Variants in PRICKLE2 observed in about 807,000 individuals in gnomAD.
PRICKLE2 encodes prickle-like protein 2.
Under a neutral mutation model 81.4 loss-of-function variants are expected in PRICKLE2, and 21 were observed. The observed-to-expected ratio is 0.26, with a 90% CI of 0.18 to 0.37. PRICKLE2 has a LOEUF of 0.37. Ranked by LOEUF, PRICKLE2 falls within the 10% of genes least tolerant of loss-of-function variation. The probability of loss-of-function intolerance (pLI) is 1.00; values close to 1 mark genes in which losing one functional copy is unlikely to be tolerated. For missense variants in PRICKLE2, 940 were observed against 1,109.0 expected (o/e 0.85, Z 2.16); for synonymous variants, 456 against 421.5 (o/e 1.08, Z -1.00).
intron 6 of PRICKLE2, among the ~76,000 whole-genome samples, chr3:64,150,161 G>T: frequency 6.6e-6 from 1 of 151,956 alleles, no homozygotes; most frequent in East Asian, 1.9e-4. Context: ...CTCTGTAGTA[G>T]TTAAGCATAA....
In PRICKLE2 at chr3:64,133,374, C is replaced by G. The variant is rs573984360; in HGVS notation, c.1660+13456G>C. ...TTTTCTCCTGGAAGAGGAGCCAGAGCTGGAAACAGATCTGCAGCCAAGGGC... is the reference window on the plus strand; with the variant it reads ...TTTTCTCCTGGAAGAGGAGCCAGAGGTGGAAACAGATCTGCAGCCAAGGGC... On this transcript the variant is annotated intron_variant, in intron 7 of 7. Coordinates refer to ENST00000638394, the MANE Select transcript of PRICKLE2 (RefSeq NM_198859.4). Among the ~76,000 whole-genome samples the G allele has an allele frequency of 2.6e-5, 4 of 152,248 alleles. No homozygotes were observed. In the South Asian group the frequency reaches 8.3e-4, roughly 32 times the overall value.
At chr3:64,134,694 C>T (rs2077251354) in intron 7 of PRICKLE2, among the ~76,000 whole-genome samples, 1 of 148,476 alleles carries the variant, frequency 6.7e-6, no homozygotes, top group South Asian at 2.2e-4. Flanking sequence ...GAGAATCATT[C>T]ATCTAGACCA....
Position 64,107,417 on chromosome 3 carries a change from A to C in PRICKLE2, c.1661-7492T>G, listed in dbSNP as rs145818309. 4.1e-4 allele frequency among the ~76,000 whole-genome samples: 62 copies of C among 152,282 alleles called. 1 individual carries two copies. The highest frequency in any genetic ancestry group is 1.5e-3 in the African/African-American group (61 of 41,558). ...ATGTCTTTGTGGGCAAAATGTATGC[A>C]TGCAAGTCCAGAAAGAAGAAAAAGA... On this transcript the variant is annotated intron_variant, in intron 7 of 7. Transcript: ENST00000638394.
intron 2 of PRICKLE2, among the ~76,000 whole-genome samples, chr3:64,238,260 G>A (rs190889661): frequency 1.1e-4 from 16 of 152,234 alleles, no homozygotes; most frequent in Middle Eastern, 3.4e-3. Context: ...GCCAAGGCAG[G>A]CAGGTACGAA....
intron 2 of PRICKLE2, among the ~76,000 whole-genome samples, chr3:64,253,232 T>C (rs1257220103): frequency 6.6e-6 from 1 of 152,252 alleles, no homozygotes. Context: ...GTAGATACCA[T>C]AGTTAATCTA....
At chr3:64,111,127 G>A (rs367793146) in intron 7 of PRICKLE2, among the ~76,000 whole-genome samples, 2 of 152,120 alleles carry the variant, frequency 1.3e-5, no homozygotes, top group East Asian at 1.9e-4. Context: ...GGACTCTTTT[G>A]TGCTCAGTTC....
At chr3:64,135,146 G>A (rs2077258760) in intron 7 of PRICKLE2, among the ~76,000 whole-genome samples, 2 of 152,194 alleles carry the variant, frequency 1.3e-5, no homozygotes, top group African/African-American at 4.8e-5. Flanking sequence ...ATGACTCGAA[G>A]AAGCAAGAAT....
Position 64,147,059 on chromosome 3 carries a change from C to A in PRICKLE2, c.1431G>T (p.Leu477=). 3 of 1,614,160 alleles carry A rather than the reference C, an allele frequency of 1.9e-6. No individual in the cohort carries two copies. Among genetic ancestry groups the A allele is most frequent in the Non-Finnish European group, 2.5e-6 (3 of 1,180,038 alleles). ...TATCACTGTAGCTCTCCTGAGATCT[C>A]AGCCTCCCCGGGTAATAGTCTTCTC... is the stretch of plus-strand genomic sequence containing the variant. ...ECREDYYPGR[L]RSQESYSDMS... Residue 477 remains leucine (L), a synonymous_variant, in exon 7 of 8, where the codon CTG becomes CTT. Coordinates refer to ENST00000638394, the MANE Select transcript of PRICKLE2 (RefSeq NM_198859.4). The surrounding 1 kb of genome is among the most constrained non-coding windows in gnomAD (Gnocchi z 5.0).
rs571221017 is a variant in PRICKLE2 at position 64,233,332 on chromosome 3, A to T, written c.129-34365T>A. Among the ~76,000 whole-genome samples, 16 of 152,248 alleles carry T rather than the reference A, an allele frequency of 1.1e-4. No individual in the cohort carries two copies. The East Asian group carries it at 3.1e-3, about 29-fold the overall frequency. On this transcript the variant is annotated intron_variant, in intron 2 of 8. Coordinates refer to the PRICKLE2 transcript ENST00000295902. ...ATTCTCTGAAAACAAACATTGCAGC[A>T]TGCCATGCTTCTGCTCAAGACTACA...
rs1247326386 is a variant in PRICKLE2 at position 64,099,168 on chromosome 3, G to A, written c.2418C>T (p.Ser806=). 1.2e-6 allele frequency: 2 copies of A among 1,614,136 alleles called. No individual in the cohort carries two copies. The highest frequency in any genetic ancestry group is 1.7e-6 in the Non-Finnish European group (2 of 1,180,060). ...AGCTGTATTTGTGCAGCAGCTCATC[G>A]CTTGTGACGTATCGCAGGCGCGCTG... The part of the protein sequence containing the change: ...PQPARLRYVT[S]DELLHKYSSY... The change falls in exon 8 of 8, where the codon AGC becomes AGT. Residue 806 remains serine (S), a synonymous_variant. Transcript: ENST00000638394. This position sits in a 1 kb window ranked among gnomAD's most constrained non-coding sequence, Gnocchi z 4.3.
chr3:64,246,830 C>A (rs1202523911), intron 2 of PRICKLE2, among the ~76,000 whole-genome samples: 1 of 152,200 alleles, frequency 6.6e-6, no homozygotes, highest in Non-Finnish European at 1.5e-5. Flanking sequence ...GCCTTCATTT[C>A]AAAAATTATT....
chr3:64,246,862 G>A (rs2079365417), intron 2 of PRICKLE2, among the ~76,000 whole-genome samples: 1 of 152,162 alleles, frequency 6.6e-6, no homozygotes, highest in South Asian at 2.1e-4. Flanking sequence ...CCCTCATAAA[G>A]TTCTCTGGTT....
At chr3:64,127,085 T>C (rs1314221511) in intron 7 of PRICKLE2, among the ~76,000 whole-genome samples, 1 of 152,192 alleles carries the variant, frequency 6.6e-6, no homozygotes, top group Non-Finnish European at 1.5e-5. Context: ...CTCATTCCAG[T>C]AGGGCAGACA....
At position 64,095,285 on chromosome 3, in the gene PRICKLE2, C is replaced by T. The variant is rs750786350; in HGVS notation, c.*3766G>A. The stretch of plus-strand genomic sequence containing the variant: ...GGAGGGGCAGGTGAATTGGAGTCTC[C>T]GAATTACTTATACATATTGGTTCCT... On this transcript the variant is annotated 3_prime_UTR_variant, in exon 8 of 8. Transcript: ENST00000638394. 3 of 152,034 alleles carry T rather than the reference C, an allele frequency of 2.0e-5. No individual in the cohort carries two copies. Among genetic ancestry groups the T allele is most frequent in the Non-Finnish European group, 4.4e-5 (3 of 67,994 alleles). The allele number at this position is 152,034 out of a possible 1,614,324, so 9.4% of individuals were successfully genotyped here.
chr3:64,103,523 G>C (rs1276560149), intron 7 of PRICKLE2: 1 of 152,190 alleles, frequency 6.6e-6, no homozygotes, highest in African/African-American at 2.4e-5. Context: ...AGTGGGAGGA[G>C]GGGGTATGAA....
chr3:64,157,776 G>A (rs2077661454), intron 4 of PRICKLE2, among the ~76,000 whole-genome samples: 1 of 152,128 alleles, frequency 6.6e-6, no homozygotes, highest in African/African-American at 2.4e-5. Flanking sequence ...GAGGTGGGTG[G>A]GAGGACGGGG....
At chr3:64,204,365 C>G (rs1378008934) in intron 1 of PRICKLE2, among the ~76,000 whole-genome samples, 2 of 152,120 alleles carry the variant, frequency 1.3e-5, no homozygotes, top group African/African-American at 2.4e-5. Flanking sequence ...ATCTCCACTT[C>G]CCACGGAAGA....
chr3:64,200,477 G>A (rs905295524), intron 1 of PRICKLE2: 2 of 152,094 alleles, frequency 1.3e-5, no homozygotes, highest in East Asian at 1.9e-4. Flanking sequence ...TGTTTTTTGA[G>A]ACAGGTTCTC....
intron 6 of PRICKLE2, among the ~76,000 whole-genome samples, chr3:64,149,293 CA>C (rs1428352829): frequency 6.6e-6 from 1 of 151,966 alleles, no homozygotes; most frequent in Admixed American, 6.6e-5. Context: ...CATAGGCCAG[CA>C]AAAAAAATCT....
Sources: allele counts gnomAD v4.1 joint callset (sites outside exome capture counted in the v4.1 genomes callset), GRCh38; gene constraint gnomAD v4.1.1; non-coding constraint Gnocchi (gnomAD v3.1); transcripts MANE v1.5; gene names NCBI Gene and HGNC (gene_info 2026-07-23, HGNC 2026-07-21).